SLC25A28: variants seen among roughly 807,000 people sequenced by gnomAD.
SLC25A28 encodes the protein solute carrier family 25 member 28, also known as mitoferrin-2.
SLC25A28 carries 10 observed loss-of-function variants against 31.9 expected under a neutral mutation model. The ratio of observed to expected loss-of-function variants is 0.31; its 90% CI spans 0.19 to 0.53. SLC25A28 has a LOEUF of 0.53. SLC25A28 is among the 20% of genes least tolerant of loss of function. SLC25A28 has a pLI of 0.95. For missense variants in SLC25A28, 256 were observed against 490.3 expected (o/e 0.52, Z 4.51); for synonymous variants, 208 against 203.6 (o/e 1.02, Z -0.19).
the SLC25A28 span, among the ~76,000 whole-genome samples, chr10:99,640,046 A>G: frequency 6.6e-6 from 1 of 152,178 alleles, no homozygotes; most frequent in Non-Finnish European, 1.5e-5. Context: ...AAAGACATGC[A>G]TGTGTTATAC....
chr10:99,654,678 C>CAAA, the SLC25A28 span, among the ~76,000 whole-genome samples: 1 of 151,378 alleles, frequency 6.6e-6, no homozygotes, highest in Admixed American at 6.6e-5. Flanking sequence ...ACAACAACAA[C>CAAA]AAAAAGATCA....
chr10:99,648,165 A>ATTT, the SLC25A28 span, among the ~76,000 whole-genome samples: 21 of 147,820 alleles, frequency 1.4e-4, no homozygotes, highest in African/African-American at 5.0e-4. Flanking sequence ...TGCCCAGCTG[A>ATTT]TTTTTTTTTT....
upstream of SLC25A28, chr10:99,621,063 G>C (rs2034783511): frequency 1.1e-6 from 1 of 873,574 alleles, no homozygotes; most frequent in Non-Finnish European, 1.4e-6. Flanking sequence ...GGGCCGGCCT[G>C]GGCCGGTCAT....
In SLC25A28 at chr10:99,613,128, A is replaced by G. The variant is rs1388058284; in HGVS notation, c.521-529T>C. On this transcript the variant is annotated intron_variant, in intron 2 of 3. Coordinates refer to ENST00000370495, the MANE Select transcript of SLC25A28 (RefSeq NM_031212.4). This position sits in a 1 kb window ranked among gnomAD's most constrained non-coding sequence, Gnocchi z 4.9. ...CTCAACTTGGTTTCCAGCCGGTCCT[A>G]AAGCCCTAGGCTGCTATCCTTTCTC... Among the ~76,000 whole-genome samples the G allele has an allele frequency of 6.6e-6, 1 of 152,198 alleles. No individual in the cohort carries two copies. The highest frequency in any genetic ancestry group is 2.4e-5 in the African/African-American group (1 of 41,440).
chr10:99,658,490 G>A, the SLC25A28 span, among the ~76,000 whole-genome samples: 1 of 152,152 alleles, frequency 6.6e-6, no homozygotes. Context: ...AATTCAACGT[G>A]CTAAGTGAAA....
the SLC25A28 span, among the ~76,000 whole-genome samples, chr10:99,648,029 T>C: frequency 6.6e-6 from 1 of 151,924 alleles, no homozygotes; most frequent in Non-Finnish European, 1.5e-5. Flanking sequence ...TCAGAAAGTC[T>C]CACTTTGTCA....
chr10:99,634,071 C>G, the SLC25A28 span, among the ~76,000 whole-genome samples: 1 of 152,204 alleles, frequency 6.6e-6, no homozygotes, highest in Non-Finnish European at 1.5e-5. Context: ...GCTTGGCTCA[C>G]AGAAAGCCAG....
At chr10:99,629,017 A>T in the SLC25A28 span, among the ~76,000 whole-genome samples, 1 of 151,976 alleles carries the variant, frequency 6.6e-6, no homozygotes. Flanking sequence ...CAGCAATTCC[A>T]CTCCTAGGTA....
upstream of SLC25A28, among the ~76,000 whole-genome samples, chr10:99,625,460 G>C (rs527482458): frequency 6.6e-6 from 1 of 152,210 alleles, no homozygotes; most frequent in East Asian, 1.9e-4. Flanking sequence ...AGACAGAAAA[G>C]TTCTCCAAGT....
the SLC25A28 span, among the ~76,000 whole-genome samples, chr10:99,642,018 T>G: frequency 1.3e-5 from 2 of 151,978 alleles, no homozygotes; most frequent in East Asian, 3.8e-4. Context: ...CCAGCTTTGT[T>G]CTTTTGGCTT....
At chr10:99,619,454 C>G (rs2133359816) in intron 1 of SLC25A28, 1 of 973,920 alleles carries the variant, frequency 1.0e-6, no homozygotes, top group Non-Finnish European at 1.2e-6. Flanking sequence ...GAAACCTATT[C>G]CTGAATACGA....
At chr10:99,620,918 T>C (rs969498570), upstream of SLC25A28, 1 of 984,780 alleles carries the variant, frequency 1.0e-6, no homozygotes, top group South Asian at 4.7e-5. Flanking sequence ...GCCTTCAACG[T>C]CAAACTGCTG....
At chr10:99,629,344 C>A in the SLC25A28 span, among the ~76,000 whole-genome samples, 3 of 152,148 alleles carry the variant, frequency 2.0e-5, no homozygotes, top group African/African-American at 7.2e-5. Context: ...TCTTGTATAA[C>A]CTGCACAACT....
the SLC25A28 span, among the ~76,000 whole-genome samples, chr10:99,645,696 C>A: frequency 1.3e-5 from 2 of 152,182 alleles, no homozygotes; most frequent in Non-Finnish European, 2.9e-5. Flanking sequence ...GTGGTTTTAT[C>A]GACCTTTGGT....
the SLC25A28 span, among the ~76,000 whole-genome samples, chr10:99,625,932 C>T: frequency 3.5e-4 from 54 of 152,308 alleles, 1 homozygote; most frequent in Middle Eastern, 3.4e-3. Flanking sequence ...TCACCTCAGA[C>T]CACTTGTGCT....
At chr10:99,621,703 C>T, upstream of SLC25A28, 1 of 152,348 alleles carries the variant, frequency 6.6e-6, no homozygotes, top group Non-Finnish European at 1.5e-5. Context: ...CCAGCTCTGT[C>T]TTCTCTGTTT....
At chr10:99,618,896 C>T in intron 1 of SLC25A28, 10 of 985,446 alleles carry the variant, frequency 1.0e-5, no homozygotes, top group Non-Finnish European at 1.2e-5. Flanking sequence ...ATACATAACA[C>T]TTTCCTGATT....
In SLC25A28 at chr10:99,620,103, G is replaced by A; in HGVS notation, c.233C>T (p.Ala78Val). 2 of 1,582,056 alleles carry A rather than the reference G, an allele frequency of 1.3e-6. No homozygotes were observed. Among genetic ancestry groups the A allele is most frequent in the Non-Finnish European group, 1.7e-6 (2 of 1,171,552 alleles). Reference sequence around the variant, plus strand: ...CTCCAGGATCCCTGCCACGGCGCCTGCCACCATGTGCGTGGTGACAGTGGC... The same window carrying A: ...CTCCAGGATCCCTGCCACGGCGCCTACCACCATGTGCGTGGTGACAGTGGC... ...AGATVTTHMV[A>V]GAVAGILEHC... is the part of the protein sequence containing the mutation. Residue 78 changes from alanine to valine, a missense_variant, in exon 1 of 4, where the codon GCA (alanine) becomes GTA (valine). Physicochemically the swap from Ala to Val is moderately conservative, Grantham distance 64 (BLOSUM62 0). Around this residue, in one of 4 missense-constraint regions of SLC25A28, gnomAD observed 41 missense variants for 41.7 expected, o/e 0.98. Transcript: ENST00000370495.
In SLC25A28 at chr10:99,613,560, A is replaced by G. The variant is rs764629135; in HGVS notation, c.520+136T>C. ...CGTTGTCTGAGAACATCAGGTTTGGAAGTCCCTCCCTTATAATCTGGCCTA... is the reference window on the plus strand; with the variant it reads ...CGTTGTCTGAGAACATCAGGTTTGGGAGTCCCTCCCTTATAATCTGGCCTA... On this transcript the variant is annotated intron_variant, in intron 2 of 3. Coordinates refer to ENST00000370495, the MANE Select transcript of SLC25A28 (RefSeq NM_031212.4). This position sits in a 1 kb window ranked among gnomAD's most constrained non-coding sequence, Gnocchi z 4.9. The G allele has an allele frequency of 2.0e-6, 3 of 1,507,868 alleles. No individual in the cohort carries two copies. The highest frequency in any genetic ancestry group is 1.4e-5 in the African/African-American group (1 of 71,950). 93.4% of individuals were successfully genotyped at this position (1,507,868 alleles called of 1,614,324 possible).
Sources: allele counts gnomAD v4.1 joint callset (sites outside exome capture counted in the v4.1 genomes callset), GRCh38; gene constraint gnomAD v4.1.1; regional missense constraint gnomAD v4.1.1; non-coding constraint Gnocchi (gnomAD v3.1); transcripts MANE v1.5; gene names NCBI Gene and HGNC (gene_info 2026-07-23, HGNC 2026-07-21).